Variants in TTC28 observed in about 807,000 individuals in gnomAD.
TTC28 encodes the protein tetratricopeptide repeat domain 28.
TTC28 carries 61 observed loss-of-function variants against 198.0 expected under a neutral mutation model. The ratio of observed to expected loss-of-function variants is 0.31; its 90% CI spans 0.25 to 0.38. The LOEUF is 0.38. Among genes scored for constraint, TTC28 ranks in the 10% least tolerant of loss-of-function variants. The pLI is 1.00. For missense variants in TTC28, 2,678 were observed against 3,164.0 expected (o/e 0.85, Z 3.69); for synonymous variants, 1,171 against 1,297.8 (o/e 0.90, Z 2.10).
intron 2 of TTC28, among the ~76,000 whole-genome samples, chr22:28,339,347 C>G (rs902201128): frequency 1.3e-5 from 2 of 152,194 alleles, no homozygotes; most frequent in Non-Finnish European, 2.9e-5. Flanking sequence ...CAGGGACCCA[C>G]TTCAGGAGGC....
chr22:28,621,780 G>GA (rs1209238616), intron 2 of TTC28, among the ~76,000 whole-genome samples: 3 of 141,210 alleles, frequency 2.1e-5, no homozygotes, highest in Non-Finnish European at 4.7e-5. Context: ...AGAAAGAAAA[G>GA]AAAAGAAAAA....
intron 12 of TTC28, among the ~76,000 whole-genome samples, chr22:28,069,947 C>T (rs932343104): frequency 5.3e-5 from 8 of 151,654 alleles, no homozygotes; most frequent in Non-Finnish European, 1.0e-4. Flanking sequence ...CACACACACA[C>T]ACACACACAC....
At chr22:28,576,219 C>A (rs2050148127) in intron 2 of TTC28, among the ~76,000 whole-genome samples, 1 of 151,564 alleles carries the variant, frequency 6.6e-6, no homozygotes, top group African/African-American at 2.4e-5. Flanking sequence ...TGAGTTTTAT[C>A]AAATGCTTTT....
intron 5 of TTC28, among the ~76,000 whole-genome samples, chr22:28,271,468 G>A (rs1336953274): frequency 6.6e-6 from 1 of 152,110 alleles, no homozygotes; most frequent in Non-Finnish European, 1.5e-5. Flanking sequence ...TGGTTTGGCT[G>A]TGTCCCCACC....
At chr22:28,311,652 G>A (rs1427516114) in intron 2 of TTC28, among the ~76,000 whole-genome samples, 2 of 151,984 alleles carry the variant, frequency 1.3e-5, no homozygotes, top group Non-Finnish European at 2.9e-5. Context: ...TGCTTTCTCT[G>A]TGTTGCAAAC....
intron 2 of TTC28, among the ~76,000 whole-genome samples, chr22:28,509,334 C>T (rs2048656772): frequency 6.6e-6 from 1 of 152,124 alleles, no homozygotes. Flanking sequence ...CAAATCATAA[C>T]AGTCTCTCAG....
intron 1 of TTC28, among the ~76,000 whole-genome samples, chr22:28,669,056 A>G (rs1245535777): frequency 1.1e-5 from 1 of 88,850 alleles, no homozygotes; most frequent in Non-Finnish European, 2.2e-5. Flanking sequence ...GCAAGAACAA[A>G]AAACCAAACA....
chr22:28,001,332 GA>G (rs1937680684), intron 15 of TTC28, 41 bp downstream of exon 15: 1 of 1,525,054 alleles, frequency 6.6e-7, no homozygotes, highest in Non-Finnish European at 8.9e-7. Context: ...CTCGTGACCC[GA>G]AAACAAGCCC....
intron 3 of TTC28, 147 bp from the exon 4 acceptor site, chr22:28,297,999 A>G (rs925449384): frequency 8.6e-6 from 8 of 934,758 alleles, no homozygotes; most frequent in African/African-American, 1.7e-5. Flanking sequence ...TTATTCTAGC[A>G]CCACTTATCT....
intron 2 of TTC28, among the ~76,000 whole-genome samples, chr22:28,552,456 A>T (rs2049691899): frequency 6.6e-6 from 1 of 152,196 alleles, no homozygotes; most frequent in African/African-American, 2.4e-5. Context: ...ATCTAGAAGT[A>T]TCACATTACT....
At chr22:28,630,464 AT>A (rs1010152810) in intron 1 of TTC28, among the ~76,000 whole-genome samples, 1 of 151,786 alleles carries the variant, frequency 6.6e-6, no homozygotes, top group African/African-American at 2.4e-5. Flanking sequence ...CATGCAGCTA[AT>A]TTTTTTTGGT....
intron 14 of TTC28, chr22:28,002,284 C>G (rs1328771240): frequency 6.6e-6 from 1 of 152,574 alleles, no homozygotes; most frequent in African/African-American, 2.4e-5. Flanking sequence ...TGGGTCCACA[C>G]AGACTGCGGT....
intron 2 of TTC28, among the ~76,000 whole-genome samples, chr22:28,590,734 G>C (rs1490764528): frequency 6.6e-6 from 1 of 151,506 alleles, no homozygotes; most frequent in Non-Finnish European, 1.5e-5. Flanking sequence ...AACAATTACA[G>C]ACAGTGGCTC....
rs146806577 is a variant in TTC28 at position 28,192,527 on chromosome 22, G to C, written c.934-28928C>G. On this transcript the variant is annotated intron_variant, in intron 5 of 22. Coordinates refer to ENST00000397906, the MANE Select transcript of TTC28 (RefSeq NM_001145418.2). ...ACTAAAGGAGGATGTTCGAAGAAAAGAAGCTAAAAACCTTGAGAAAAGATT... is the reference window on the plus strand; with the variant it reads ...ACTAAAGGAGGATGTTCGAAGAAAACAAGCTAAAAACCTTGAGAAAAGATT... Among the ~76,000 whole-genome samples, 595 of 152,246 alleles carry C rather than the reference G, an allele frequency of 3.9e-3. 6 individuals are homozygous for C. Among genetic ancestry groups the C allele is most frequent in the Admixed American group, 7.0e-3 (107 of 15,298 alleles).
chr22:28,651,311 C>CTTTTTTTGTTTTTTTTT (rs2051559775), intron 1 of TTC28, among the ~76,000 whole-genome samples: 1 of 147,458 alleles, frequency 6.8e-6, no homozygotes, highest in Non-Finnish European at 1.5e-5. Context: ...TCTGTCACTC[C>CTTTTTTTGTTTTTTTTT]TTTTTTTTGA....
chr22:28,088,611 T>C (rs1028367146), intron 12 of TTC28, among the ~76,000 whole-genome samples: 1 of 152,170 alleles, frequency 6.6e-6, no homozygotes, highest in Non-Finnish European at 1.5e-5. Flanking sequence ...GGGCAAGGAC[T>C]TCGTGTATAA....
At chr22:28,478,411 AG>A (rs1312018174) in intron 2 of TTC28, among the ~76,000 whole-genome samples, 1 of 152,154 alleles carries the variant, frequency 6.6e-6, no homozygotes, top group African/African-American at 2.4e-5. Context: ...CGGGAGGCTG[AG>A]GAAGGAGAAT....
intron 2 of TTC28, among the ~76,000 whole-genome samples, chr22:28,386,274 C>CAAAAAAAAAAAAAAAAAAAAAAA (rs71194764): frequency 1.1e-4 from 6 of 52,236 alleles, no homozygotes; most frequent in South Asian, 1.8e-3. Context: ...GACTCCGTCT[C>CAAAAAAAAAAAAAAAAAAAAAAA]AAAAAAAAAA....
intron 12 of TTC28, among the ~76,000 whole-genome samples, chr22:28,035,703 T>C (rs1939311388): frequency 6.6e-6 from 1 of 152,258 alleles, no homozygotes; most frequent in Non-Finnish European, 1.5e-5. Context: ...TTGGGAACTC[T>C]AGATTTCTGA....
Sources: gnomAD v4.1 joint callset for allele counts (sites outside exome capture counted in the v4.1 genomes callset) on GRCh38, gnomAD v4.1.1 for gene constraint, MANE v1.5 for transcripts, NCBI Gene and HGNC (gene_info 2026-07-23, HGNC 2026-07-21) for gene names.